Variants in PDE6A observed in about 807,000 individuals in gnomAD.
The protein encoded by PDE6A is phosphodiesterase 6A.
Under a neutral mutation model 106.3 loss-of-function variants are expected in PDE6A, and 84 were observed. That is an observed-to-expected ratio of 0.79 (90% confidence interval 0.66 to 0.95). The LOEUF (loss-of-function observed/expected upper bound fraction) is 0.95. Among genes scored for constraint, PDE6A ranks in the 40% least tolerant of loss-of-function variants. The pLI is 0.00. For synonymous variants in PDE6A, 394 were observed against 386.6 expected, an observed-to-expected ratio of 1.02 and a Z score of -0.23; for missense variants, 1,052 against 1,084.9, an observed-to-expected ratio of 0.97 and a Z score of 0.43.
intron 7 of PDE6A, among the ~76,000 whole-genome samples, chr5:149,904,119 CGCCTG>C (rs1251847850): frequency 6.6e-6 from 1 of 152,080 alleles, no homozygotes; most frequent in Non-Finnish European, 1.5e-5. Context: ...TGGTGGCGTG[CGCCTG>C]TAATCCCAGC....
At position 149,944,401 on chromosome 5, in the gene PDE6A, T is replaced by C. The variant is rs2113673450; in HGVS notation, c.273A>G (p.Ala91=). 7.4e-6 allele frequency: 12 copies of C among 1,614,212 alleles called. No homozygotes were observed. The highest frequency in any genetic ancestry group is 1.0e-5 in the Non-Finnish European group (12 of 1,180,026). The change falls in exon 1 of 22, where the codon GCA becomes GCG. Residue 91 remains alanine (A), a synonymous_variant. Transcript: ENST00000255266. ...VMKKLCFLLQ[A]DRMSLFMYRT... ...GGTACATGAACAGGCTCATGCGGTCTGCCTGCAGGAGGAAGCACAGCTTCT... is the reference window on the plus strand; with the variant it reads ...GGTACATGAACAGGCTCATGCGGTCCGCCTGCAGGAGGAAGCACAGCTTCT...
At chr5:149,901,162 C>T (rs1359487517) in intron 8 of PDE6A, among the ~76,000 whole-genome samples, 2 of 152,108 alleles carry the variant, frequency 1.3e-5, no homozygotes, top group East Asian at 1.9e-4. Context: ...GTAATCTGCC[C>T]GCCTCGGTCT....
chr5:149,942,750 G>T (rs1170668352), intron 1 of PDE6A, among the ~76,000 whole-genome samples: 1 of 152,030 alleles, frequency 6.6e-6, no homozygotes, highest in Non-Finnish European at 1.5e-5. Flanking sequence ...GTGAGCAAAG[G>T]TCTCTGTGTC....
chr5:149,876,902 A>G (rs917956435), intron 17 of PDE6A, among the ~76,000 whole-genome samples: 2 of 151,114 alleles, frequency 1.3e-5, no homozygotes, highest in African/African-American at 4.9e-5. Context: ...ATGATGATAG[A>G]TGATGAGAGA....
chr5:149,883,643 T>C (rs1761014454), intron 16 of PDE6A, 107 bp from the exon 17 acceptor site: 6 of 811,162 alleles, frequency 7.4e-6, no homozygotes, highest in Non-Finnish European at 1.3e-5. Context: ...TCAACAAAAT[T>C]CACAAAACAA....
At chr5:149,897,926 G>A (rs1196689858) in intron 10 of PDE6A, among the ~76,000 whole-genome samples, 1 of 152,154 alleles carries the variant, frequency 6.6e-6, no homozygotes, top group Non-Finnish European at 1.5e-5. Context: ...ACAGGAGGGA[G>A]GCTCTGAGAA....
At chr5:149,895,634 G>GA (rs56836177) in intron 12 of PDE6A, among the ~76,000 whole-genome samples, 9,006 of 146,460 alleles carry the variant, frequency 0.061, 718 homozygotes, top group African/African-American at 0.19. Flanking sequence ...GCTCTACAGG[G>GA]AAAAAAAAAA....
rs758696476 is a variant in PDE6A at position 149,884,783 on chromosome 5, G to C, written c.1923C>G (p.Asp641Glu). 2 of 1,613,728 alleles carry C rather than the reference G, an allele frequency of 1.2e-6. No individual in the cohort carries two copies. The highest frequency in any genetic ancestry group is 8.5e-7 in the Non-Finnish European group (1 of 1,179,682). ...AGACCCTTGGCCCTCATCCTACCTC[G>C]TCTCTGAGCAGTGTTTTGCCAAACT... ...HLEFGKTLLRDESLNIFQNLN... is the reference protein window; with the variant it reads ...HLEFGKTLLREESLNIFQNLN... The change falls in exon 15 of 22, where the codon GAC (aspartate) becomes GAG (glutamate). Residue 641 changes from aspartate (D) to glutamate (E), a missense_variant. By Grantham distance (45) the Asp-to-Glu change is conservative. Coordinates refer to ENST00000255266, the MANE Select transcript of PDE6A (RefSeq NM_000440.3).
chr5:149,922,878 C>G (rs1448223602), intron 4 of PDE6A, among the ~76,000 whole-genome samples: 1 of 152,188 alleles, frequency 6.6e-6, no homozygotes, highest in African/African-American at 2.4e-5. Flanking sequence ...CTTCCAGTTT[C>G]CATGTAATAA....
In PDE6A at chr5:149,931,951, T is replaced by G. The variant is rs898476162; in HGVS notation, c.718-783A>C. Reference sequence around the variant, plus strand: ...ATGAAGAGACAGAAACAAAGAAGTTTGCAAATCTTTTATATTTCCAGCTGT... The same window carrying G: ...ATGAAGAGACAGAAACAAAGAAGTTGGCAAATCTTTTATATTTCCAGCTGT... On this transcript the variant is annotated intron_variant, in intron 3 of 21. Coordinates refer to ENST00000255266, the MANE Select transcript of PDE6A (RefSeq NM_000440.3). 1.3e-5 allele frequency: 14 copies of G among 1,119,686 alleles called. No individual in the cohort carries two copies. In the East Asian group the frequency reaches 3.3e-4, roughly 26 times the overall value. 69.4% of individuals were successfully genotyped at this position (1,119,686 alleles called of 1,614,324 possible).
chr5:149,862,154 A>G lies in PDE6A; in HGVS notation c.2506+965T>C, dbSNP rs143151817. 8.6e-3 allele frequency among the ~76,000 whole-genome samples: 1,306 copies of G among 152,240 alleles called. 10 individuals carry two copies. Among genetic ancestry groups the G allele is most frequent in the South Asian group, 0.029 (142 of 4,824 alleles). On this transcript the variant is annotated intron_variant, in intron 21 of 21. Transcript: ENST00000255266. Reference sequence around the variant, plus strand: ...GCAGTCAGGGTGAGGGAGGGACAAGATGCCATGTCCTGTGAGGAAACAGAT... The same window carrying G: ...GCAGTCAGGGTGAGGGAGGGACAAGGTGCCATGTCCTGTGAGGAAACAGAT...
chr5:149,935,996 C>CA (rs1160971999), intron 1 of PDE6A, among the ~76,000 whole-genome samples: 4 of 151,642 alleles, frequency 2.6e-5, no homozygotes, highest in Non-Finnish European at 4.4e-5. Context: ...TACTAAAACT[C>CA]AAAAAAAATT....
At chr5:149,883,365 C>G in intron 17 of PDE6A, 64 bp downstream of exon 17, 6 of 1,038,768 alleles carry the variant, frequency 5.8e-6, no homozygotes, top group Non-Finnish European at 9.1e-6. Context: ...CAAGAGCTGT[C>G]AGTGCATCTC....
intron 1 of PDE6A, among the ~76,000 whole-genome samples, chr5:149,937,240 C>T (rs973708848): frequency 1.3e-5 from 2 of 151,988 alleles, no homozygotes; most frequent in East Asian, 1.9e-4. Context: ...TCGTGAGGAA[C>T]AGAAAGAAAA....
chr5:149,884,325 T>G (rs1467895906), intron 16 of PDE6A, among the ~76,000 whole-genome samples, 154 bp downstream of exon 16: 2 of 148,628 alleles, frequency 1.3e-5, no homozygotes, highest in Non-Finnish European at 3.0e-5. Flanking sequence ...TGTATATATG[T>G]GTATATATGT....
At chr5:149,930,935 C>G in intron 4 of PDE6A, 93 bp downstream of exon 4, 1 of 1,274,464 alleles carries the variant, frequency 7.8e-7, no homozygotes, top group South Asian at 1.2e-5. Flanking sequence ...CAGCCTCTTC[C>G]CCCGTGCAAT....
intron 16 of PDE6A, 102 bp from the exon 17 acceptor site, chr5:149,883,638 A>G: frequency 1.2e-6 from 1 of 818,686 alleles, no homozygotes; most frequent in Non-Finnish European, 2.1e-6. Flanking sequence ...TTAAATCAAC[A>G]AAATTCACAA....
intron 7 of PDE6A, 148 bp from the exon 8 acceptor site, chr5:149,903,843 C>G (rs251346): frequency 0.76 from 586,072 of 771,462 alleles, 225,828 homozygotes; most frequent in African/African-American, 0.94. Context: ...AGACAGTTTT[C>G]AATTATTCAC....
chr5:149,914,383 T>C (rs1753487340), intron 6 of PDE6A, among the ~76,000 whole-genome samples: 1 of 152,196 alleles, frequency 6.6e-6, no homozygotes, highest in South Asian at 2.1e-4. Flanking sequence ...AAGTTGATAA[T>C]GTACCTGCAG....
Sources: gnomAD v4.1 joint callset for allele counts (sites outside exome capture counted in the v4.1 genomes callset) on GRCh38, gnomAD v4.1.1 for gene constraint, MANE v1.5 for transcripts, NCBI Gene and HGNC (gene_info 2026-07-23, HGNC 2026-07-21) for gene names.